Variants in KALRN observed in about 807,000 individuals in gnomAD.
KALRN encodes kalirin RhoGEF kinase.
A neutral mutation model predicts 353.7 loss-of-function variants in KALRN; 70 were observed. The observed-to-expected ratio is 0.20, with a 90% CI of 0.16 to 0.24. The LOEUF is 0.24. KALRN is among the 10% of genes least tolerant of loss of function. The pLI, the probability that KALRN is intolerant of heterozygous loss-of-function variation, is 1.00. For missense variants in KALRN, 2,791 were observed against 3,756.7 expected (o/e 0.74, Z 6.72); for synonymous variants, 1,391 against 1,434.8 (o/e 0.97, Z 0.69).
chr3:124,553,715 T>G (rs1479768370), intron 33 of KALRN, among the ~76,000 whole-genome samples: 1 of 152,256 alleles, frequency 6.6e-6, no homozygotes, highest in Non-Finnish European at 1.5e-5. Flanking sequence ...AATGCCTTCC[T>G]GTGCAAGCAC....
At chr3:124,267,651 C>G (rs2073718958) in intron 4 of KALRN, among the ~76,000 whole-genome samples, 1 of 152,194 alleles carries the variant, frequency 6.6e-6, no homozygotes, top group Non-Finnish European at 1.5e-5. Context: ...AGTCCTCCTG[C>G]CTATGGCACC....
At chr3:124,110,038 CAT>C (rs5852384) in intron 1 of KALRN, among the ~76,000 whole-genome samples, 1 of 66,072 alleles carries the variant, frequency 1.5e-5, no homozygotes, top group African/African-American at 7.0e-5. Flanking sequence ...ATATATATGA[CAT>C]ATATGTCATA....
At chr3:124,368,431 G>A (rs558378492) in intron 10 of KALRN, among the ~76,000 whole-genome samples, 1,579 of 147,914 alleles carry the variant, frequency 0.011, 18 homozygotes, top group African/African-American at 0.036. Flanking sequence ...ATGGGGCGGC[G>A]GGGCAGAGGC....
chr3:124,451,950 G>A (rs1473549967), intron 21 of KALRN, among the ~76,000 whole-genome samples: 1 of 152,166 alleles, frequency 6.6e-6, no homozygotes, highest in Admixed American at 6.5e-5. Context: ...TGTCTGTACA[G>A]TTTAAATCCT....
intron 34 of KALRN, among the ~76,000 whole-genome samples, chr3:124,592,070 G>A (rs2075833040): frequency 6.6e-6 from 1 of 152,134 alleles, no homozygotes; most frequent in Non-Finnish European, 1.5e-5. Context: ...GGACGCTGAG[G>A]CAGGCAGATC....
intron 33 of KALRN, among the ~76,000 whole-genome samples, chr3:124,538,387 A>T (rs924937634): frequency 6.6e-6 from 1 of 152,202 alleles, no homozygotes; most frequent in Non-Finnish European, 1.5e-5. Flanking sequence ...AGAAGAAATT[A>T]TCACTGGGTG....
chr3:124,132,824 A>G (rs1477298553), intron 1 of KALRN: 1 of 153,528 alleles, frequency 6.5e-6, no homozygotes, highest in African/African-American at 2.4e-5. Flanking sequence ...CCAGACCTTA[A>G]CCTCTGAAGA....
intron 19 of KALRN, among the ~76,000 whole-genome samples, chr3:124,444,925 T>C (rs2093787693): frequency 1.3e-5 from 2 of 151,778 alleles, no homozygotes; most frequent in African/African-American, 4.8e-5. Flanking sequence ...GAGGTGAGAA[T>C]GAAGGAGTAT....
At chr3:124,418,643 A>G (rs2092630117) in intron 14 of KALRN, among the ~76,000 whole-genome samples, 1 of 152,232 alleles carries the variant, frequency 6.6e-6, no homozygotes, top group South Asian at 2.1e-4. Context: ...GACCACAGTC[A>G]CCTCTCTCCT....
At chr3:124,471,827 C>T (rs937438049) in intron 25 of KALRN, among the ~76,000 whole-genome samples, 1 of 151,696 alleles carries the variant, frequency 6.6e-6, no homozygotes, top group East Asian at 2.0e-4. Context: ...ATTAGCCAGG[C>T]GTGGTGGCGG....
At chr3:124,298,972 G>A in intron 6 of KALRN, 59 bp downstream of exon 6, 1 of 1,606,830 alleles carries the variant, frequency 6.2e-7, no homozygotes, top group Non-Finnish European at 8.5e-7. Context: ...GGGAGAAGTG[G>A]GAGGAGGGAC....
chr3:124,579,449 A>G (rs2074422979), intron 34 of KALRN, among the ~76,000 whole-genome samples: 1 of 152,246 alleles, frequency 6.6e-6, no homozygotes, highest in South Asian at 2.1e-4. Context: ...AGACTACTTT[A>G]AATATATTGC....
In KALRN at chr3:124,385,027, C is replaced by T; in HGVS notation, c.1953C>T (p.His651=). The T allele has an allele frequency of 6.2e-7, 1 of 1,601,308 alleles. No individual in the cohort carries two copies. Among genetic ancestry groups the T allele is most frequent in the East Asian group, 2.2e-5 (1 of 44,682 alleles). ...LLDMSVSFHT[H]TKELWTWMED... ...ACATGTCTGTTTCCTTCCACACACA[C>T]ACCAAAGAGGTAAGGGGAGCTAGTG... The change falls in exon 11 of 60, where the codon CAC becomes CAT. Residue 651 remains histidine, a synonymous_variant. Transcript: ENST00000682506.
intron 15 of KALRN, among the ~76,000 whole-genome samples, chr3:124,424,905 G>T (rs781071241): frequency 1.2e-4 from 19 of 152,176 alleles, no homozygotes; most frequent in African/African-American, 1.7e-4. Flanking sequence ...CCTCTTGACT[G>T]GTCAGCTGAA....
intron 5 of KALRN, among the ~76,000 whole-genome samples, chr3:124,294,617 C>T (rs1028433411): frequency 3.3e-5 from 5 of 149,428 alleles, no homozygotes; most frequent in Admixed American, 2.0e-4. Context: ...CTCCGCCTCC[C>T]GGGTTCAAGT....
chr3:124,347,748 G>A (rs1381478851), intron 10 of KALRN, among the ~76,000 whole-genome samples: 2 of 152,146 alleles, frequency 1.3e-5, no homozygotes, highest in Non-Finnish European at 2.9e-5. Flanking sequence ...TACCTTCCAG[G>A]ACCTGGAGAA....
At chr3:124,359,251 G>A (rs2083753831) in intron 10 of KALRN, among the ~76,000 whole-genome samples, 1 of 152,138 alleles carries the variant, frequency 6.6e-6, no homozygotes, top group African/African-American at 2.4e-5. Context: ...AATGATTGGT[G>A]ACAGCTGGCT....
intron 3 of KALRN, among the ~76,000 whole-genome samples, chr3:124,239,498 G>A (rs2080185843): frequency 6.6e-6 from 1 of 152,268 alleles, no homozygotes; most frequent in South Asian, 2.1e-4. Context: ...GTTCTGCCAA[G>A]GAATGTGGTT....
At chr3:124,426,672 G>C (rs1176170170) in intron 15 of KALRN, among the ~76,000 whole-genome samples, 1 of 152,166 alleles carries the variant, frequency 6.6e-6, no homozygotes, top group African/African-American at 2.4e-5. Flanking sequence ...CTAGAGAAAT[G>C]GTGGACCTTG....
Sources: gnomAD v4.1 joint callset for allele counts (sites outside exome capture counted in the v4.1 genomes callset) on GRCh38, gnomAD v4.1.1 for gene constraint, MANE v1.5 for transcripts, NCBI Gene and HGNC (gene_info 2026-07-23, HGNC 2026-07-21) for gene names.